DPYSL3: variants seen among roughly 807,000 people sequenced by gnomAD.
DPYSL3 encodes dihydropyrimidinase like 3.
In DPYSL3, 16 loss-of-function variants were observed where a neutral mutation model predicts 66.1. That is an observed-to-expected ratio of 0.24 (90% CI 0.16 to 0.37). The LOEUF is 0.37. Among genes scored for constraint, DPYSL3 ranks in the 10% least tolerant of loss-of-function variants. The probability of loss-of-function intolerance (pLI) is 1.00; values close to 1 mark genes in which losing one functional copy is unlikely to be tolerated. For missense variants in DPYSL3, 738 were observed against 916.2 expected (o/e 0.81, Z 2.51); for synonymous variants, 338 against 345.1 (o/e 0.98, Z 0.23).
chr5:147,433,564 T>C (rs1197770413), intron 1 of DPYSL3, among the ~76,000 whole-genome samples: 1 of 152,214 alleles, frequency 6.6e-6, no homozygotes, highest in Non-Finnish European at 1.5e-5. Context: ...GCCATTAAGT[T>C]ATTCTGTGAT....
At position 147,474,380 on chromosome 5, in the gene DPYSL3, C is replaced by T. The variant is rs372835368; in HGVS notation, c.381+35098G>A. ...TTTAATAATAATGATAATGATACTA[C>T]GCAGGCAGAATCCTAAGTGCTTTTA... On this transcript the variant is annotated intron_variant, in intron 1 of 13. Coordinates refer to ENST00000343218, the MANE Select transcript of DPYSL3 (RefSeq NM_001197294.2). Among the ~76,000 whole-genome samples, 36 of 152,138 alleles carry T rather than the reference C, an allele frequency of 2.4e-4. No individual in the cohort carries two copies. The South Asian group carries it at 4.2e-3, about 18-fold the overall frequency.
At position 147,509,811 on chromosome 5, in the gene DPYSL3, C is replaced by T. The variant is rs770074431; in HGVS notation, c.48G>A (p.Leu16=). 6 of 1,535,780 alleles carry T rather than the reference C, an allele frequency of 3.9e-6. No individual in the cohort carries two copies. The Admixed American group carries it at 5.9e-5, about 15-fold the overall frequency. ...RGWDSSHEDD[L]PVYLARPGTT... is the part of the protein sequence containing the mutation. ...TGCCCGGCCTGGCCAGGTACACGGG[C>T]AGATCGTCTTCGTGGGAGCTGTCCC... The change falls in exon 1 of 14, where the codon CTG becomes CTA. Residue 16 remains leucine (L), a synonymous_variant. Coordinates refer to ENST00000343218, the MANE Select transcript of DPYSL3 (RefSeq NM_001197294.2). The surrounding 1 kb of genome is among the most constrained non-coding windows in gnomAD (Gnocchi z 5.3).
chr5:147,426,515 T>G (rs1752201206), intron 1 of DPYSL3, among the ~76,000 whole-genome samples: 2 of 152,138 alleles, frequency 1.3e-5, no homozygotes, highest in Non-Finnish European at 2.9e-5. Flanking sequence ...AATGCACTGC[T>G]CAGGGCCAAT....
chr5:147,504,304 A>G (rs1287258069), intron 1 of DPYSL3, among the ~76,000 whole-genome samples: 1 of 152,242 alleles, frequency 6.6e-6, no homozygotes, highest in Non-Finnish European at 1.5e-5. Flanking sequence ...TCGCAGCATT[A>G]TTGAGAAGGC....
intron 2 of DPYSL3, among the ~76,000 whole-genome samples, chr5:147,419,172 AC>A (rs112371709): frequency 0.019 from 2,959 of 152,126 alleles, 105 homozygotes; most frequent in African/African-American, 0.068. Context: ...TCCCAATTCC[AC>A]CCTTTCCTGA....
intron 1 of DPYSL3, among the ~76,000 whole-genome samples, chr5:147,443,694 T>C (rs1467799769): frequency 2.0e-5 from 3 of 151,648 alleles, no homozygotes; most frequent in Admixed American, 6.6e-5. Flanking sequence ...CTCAAAAGAA[T>C]CTTACTTAAG....
chr5:147,478,167 G>C (rs926076587), intron 1 of DPYSL3, among the ~76,000 whole-genome samples: 8 of 152,138 alleles, frequency 5.3e-5, no homozygotes, highest in Non-Finnish European at 1.5e-5. Flanking sequence ...GTATTCATTG[G>C]TCTGTTAGAG....
intron 1 of DPYSL3, among the ~76,000 whole-genome samples, chr5:147,453,254 C>G (rs1752771779): frequency 6.6e-6 from 1 of 152,240 alleles, no homozygotes; most frequent in Non-Finnish European, 1.5e-5. Context: ...GGGAGAGCCG[C>G]GAGCCCCGCG....
chr5:147,483,209 G>C (rs1753274682), intron 1 of DPYSL3, among the ~76,000 whole-genome samples: 1 of 152,216 alleles, frequency 6.6e-6, no homozygotes, highest in African/African-American at 2.4e-5. Context: ...TACATGGTGA[G>C]TAACAGATCC....
intron 1 of DPYSL3, among the ~76,000 whole-genome samples, chr5:147,488,582 G>T (rs1230843885): frequency 1.3e-5 from 2 of 152,008 alleles, no homozygotes; most frequent in Non-Finnish European, 2.9e-5. Context: ...CCTGCATGGT[G>T]GTGCATGCTG....
chr5:147,505,516 G>T (rs1225011136), intron 1 of DPYSL3, among the ~76,000 whole-genome samples: 1 of 152,146 alleles, frequency 6.6e-6, no homozygotes. Flanking sequence ...GATTACAGGC[G>T]TGAGCCACCA....
intron 1 of DPYSL3, 36 bp from the exon 2 acceptor site, chr5:147,424,999 G>T: frequency 6.5e-7 from 1 of 1,536,132 alleles, no homozygotes; most frequent in South Asian, 1.2e-5. Context: ...GTTATCACAG[G>T]TATGATTTCA....
At chr5:147,403,060 A>G (rs1330649586) in intron 8 of DPYSL3, among the ~76,000 whole-genome samples, 5 of 152,222 alleles carry the variant, frequency 3.3e-5, no homozygotes, top group Non-Finnish European at 7.3e-5. Context: ...ACTCCATTCA[A>G]CTGGTAATAG....
chr5:147,507,190 C>A (rs1173553958), intron 1 of DPYSL3, among the ~76,000 whole-genome samples: 2 of 152,102 alleles, frequency 1.3e-5, no homozygotes, highest in Non-Finnish European at 2.9e-5. Context: ...GTTACTATGG[C>A]ATCACCCAGC....
At position 147,509,452 on chromosome 5, in the gene DPYSL3, AG is replaced by A; in HGVS notation, c.381+25del. 6.8e-7 allele frequency: 1 copy of A among 1,480,610 alleles called. No homozygotes were observed. Among genetic ancestry groups the A allele is most frequent in the African/African-American group, 1.4e-5 (1 of 71,700 alleles). The allele number at this position is 1,480,610 out of a possible 1,614,324, so 91.7% of individuals were successfully genotyped here. A position where few individuals can be genotyped will look rare whatever the true frequency, so the allele number is the denominator to read the frequency against. On this transcript the variant is annotated intron_variant, in intron 1 of 13. Transcript: ENST00000343218. This position sits in a 1 kb window ranked among gnomAD's most constrained non-coding sequence, Gnocchi z 5.3. The stretch of plus-strand genomic sequence containing the variant: ...GCTGGAGAAAGGAACGAAGGCAAGG[AG>A]GGAAGTGACCCGGGGCCCCCTTACC...
chr5:147,491,581 A>C (rs1476680316), intron 1 of DPYSL3, among the ~76,000 whole-genome samples: 1 of 152,186 alleles, frequency 6.6e-6, no homozygotes, highest in East Asian at 1.9e-4. Flanking sequence ...AGGTAAGAAG[A>C]CAGAAATTCT....
At chr5:147,405,097 C>T (rs113822655) in intron 8 of DPYSL3, among the ~76,000 whole-genome samples, 4 of 152,286 alleles carry the variant, frequency 2.6e-5, no homozygotes, top group African/African-American at 9.6e-5. Context: ...TGTAACTGTT[C>T]ATACTGAACA....
At chr5:147,506,063 G>A (rs1469131333) in intron 1 of DPYSL3, among the ~76,000 whole-genome samples, 3 of 152,104 alleles carry the variant, frequency 2.0e-5, no homozygotes, top group African/African-American at 4.8e-5. Flanking sequence ...GTGAGGAAAC[G>A]ACCTTTTGAG....
chr5:147,414,947 A>C (rs1314501908), intron 4 of DPYSL3, among the ~76,000 whole-genome samples: 1 of 152,102 alleles, frequency 6.6e-6, no homozygotes, highest in Non-Finnish European at 1.5e-5. Flanking sequence ...TGTTCAGCAA[A>C]GGCCATTACT....
Sources: allele counts gnomAD v4.1 joint callset (sites outside exome capture counted in the v4.1 genomes callset), GRCh38; gene constraint gnomAD v4.1.1; non-coding constraint Gnocchi (gnomAD v3.1); transcripts MANE v1.5; gene names NCBI Gene and HGNC (gene_info 2026-07-23, HGNC 2026-07-21).